RAD51B: variants seen among roughly 807,000 people sequenced by gnomAD.
RAD51B encodes the protein RAD51 paralog B, also known as DNA repair protein RAD51 homolog 2.
In RAD51B, 38 loss-of-function variants were observed where a neutral mutation model predicts 42.2. The ratio of observed to expected loss-of-function variants is 0.90; its 90% CI spans 0.70 to 1.18. The LOEUF (loss-of-function observed/expected upper bound fraction) is 1.18. Ranked by LOEUF, RAD51B falls within the 50% of genes most tolerant of loss-of-function variation. The pLI is 0.00. For synonymous variants in RAD51B, 154 were observed against 145.2 expected, an observed-to-expected ratio of 1.06 and a Z score of -0.43; for missense variants, 373 against 400.7, an observed-to-expected ratio of 0.93 and a Z score of 0.59.
chr14:68,045,065 C>G (rs1420415033), intron 7 of RAD51B, among the ~76,000 whole-genome samples: 1 of 151,616 alleles, frequency 6.6e-6, no homozygotes, highest in Non-Finnish European at 1.5e-5. Flanking sequence ...GGAGAAACCT[C>G]GTCTCTACTA....
intron 7 of RAD51B, among the ~76,000 whole-genome samples, chr14:68,112,606 T>A (rs1453558041): frequency 2.0e-5 from 3 of 152,276 alleles, no homozygotes; most frequent in East Asian, 3.9e-4. Context: ...GTGATCATGC[T>A]GGGGTGATTG....
chr14:68,276,414 CT>C (rs199738833), intron 7 of RAD51B, among the ~76,000 whole-genome samples: 94 of 151,534 alleles, frequency 6.2e-4, no homozygotes, highest in East Asian at 5.6e-3. Context: ...ACTCATTTTA[CT>C]TTTTTTTTAA....
intron 10 of RAD51B, chr14:68,563,037 C>T: frequency 3.0e-6 from 3 of 985,466 alleles, no homozygotes; most frequent in Non-Finnish European, 3.6e-6. Context: ...ACCTCTCTCA[C>T]CCTGGCCGCT....
chr14:68,393,824 C>G (rs7160794), intron 8 of RAD51B, among the ~76,000 whole-genome samples: 40 of 152,106 alleles, frequency 2.6e-4, no homozygotes, highest in Non-Finnish European at 4.1e-4. Context: ...GTTTTTGGGG[C>G]CCTGAAATGT....
intron 8 of RAD51B, among the ~76,000 whole-genome samples, chr14:68,324,153 T>C (rs1330613937): frequency 6.6e-6 from 1 of 152,220 alleles, no homozygotes; most frequent in African/African-American, 2.4e-5. Flanking sequence ...AAATGGTATG[T>C]AGTTTACTTA....
chr14:68,404,689 C>T (rs1451965783), intron 8 of RAD51B, among the ~76,000 whole-genome samples: 8 of 152,178 alleles, frequency 5.3e-5, no homozygotes, highest in Non-Finnish European at 8.8e-5. Context: ...CAGAGAGGAT[C>T]AGTTCCAGGC....
At chr14:68,465,126 T>A (rs2085942137) in intron 9 of RAD51B, among the ~76,000 whole-genome samples, 1 of 152,212 alleles carries the variant, frequency 6.6e-6, no homozygotes, top group African/African-American at 2.4e-5. Context: ...GTAATATTTT[T>A]AAAAATATAG....
chr14:68,209,981 A>G (rs1341445395), intron 7 of RAD51B, among the ~76,000 whole-genome samples: 2 of 146,652 alleles, frequency 1.4e-5, no homozygotes, highest in Non-Finnish European at 3.0e-5. Flanking sequence ...TTTTTTTGAG[A>G]CAGAGTCTTA....
At chr14:68,280,143 G>C (rs1307085497) in intron 7 of RAD51B, among the ~76,000 whole-genome samples, 1 of 152,184 alleles carries the variant, frequency 6.6e-6, no homozygotes, top group African/African-American at 2.4e-5. Flanking sequence ...CTGGAGCATG[G>C]TTCCTCCTGC....
chr14:68,452,473 C>A (rs1344722210), intron 9 of RAD51B, among the ~76,000 whole-genome samples: 4 of 152,020 alleles, frequency 2.6e-5, no homozygotes, highest in African/African-American at 9.7e-5. Context: ...TTCAGCATAC[C>A]CAATGGTAAT....
At chr14:68,045,259 AAAAAG>A (rs1422891152) in intron 7 of RAD51B, among the ~76,000 whole-genome samples, 5 of 150,868 alleles carry the variant, frequency 3.3e-5, no homozygotes, top group African/African-American at 7.3e-5. Context: ...AAAAAAAAAA[AAAAAG>A]AAAAGAAAAT....
At chr14:68,028,294 C>T (rs544493222) in intron 7 of RAD51B, among the ~76,000 whole-genome samples, 2 of 152,372 alleles carry the variant, frequency 1.3e-5, no homozygotes, top group Admixed American at 6.5e-5. Context: ...GGAGCCCCCT[C>T]TGATCACTGT....
intron 8 of RAD51B, among the ~76,000 whole-genome samples, chr14:68,331,063 A>G (rs1295345602): frequency 1.3e-5 from 2 of 152,108 alleles, no homozygotes; most frequent in Non-Finnish European, 1.5e-5. Context: ...TGGAAAAGCT[A>G]TTCTAAAGAA....
intron 7 of RAD51B, among the ~76,000 whole-genome samples, chr14:68,272,520 A>T (rs895547812): frequency 2.0e-5 from 3 of 150,306 alleles, no homozygotes; most frequent in Non-Finnish European, 4.4e-5. Flanking sequence ...GTGAAGATTA[A>T]ATGAGATACT....
intron 10 of RAD51B, among the ~76,000 whole-genome samples, chr14:68,550,771 CA>C (rs1465741705): frequency 6.6e-6 from 1 of 152,182 alleles, no homozygotes; most frequent in East Asian, 1.9e-4. Context: ...ATAACCCTAG[CA>C]GTGATCTGTG....
chr14:68,374,056 T>G lies in RAD51B; in HGVS notation c.854-37368T>G, dbSNP rs535154406. 2.3e-4 allele frequency among the ~76,000 whole-genome samples: 35 copies of G among 152,370 alleles called. No individual in the cohort carries two copies. The South Asian group carries it at 6.8e-3, about 30-fold the overall frequency. On this transcript the variant is annotated intron_variant, in intron 8 of 10. Transcript: ENST00000471583. ...ACTTTCATACCAGACATGTTAATTA[T>G]CTTCATTTTAAAGATGAGGAAATGA... is the stretch of plus-strand genomic sequence containing the variant.
At chr14:68,414,890 G>C (rs2084515322) in intron 9 of RAD51B, among the ~76,000 whole-genome samples, 1 of 148,564 alleles carries the variant, frequency 6.7e-6, no homozygotes, top group African/African-American at 2.5e-5. Context: ...AAAATAGCCA[G>C]GCGTGGTGGC....
chr14:67,825,474 G>T lies in RAD51B; in HGVS notation c.95G>T (p.Cys32Phe), dbSNP rs768563592. The T allele has an allele frequency of 6.2e-7, 1 of 1,609,298 alleles. No individual in the cohort carries two copies. The highest frequency in any genetic ancestry group is 8.5e-7 in the Non-Finnish European group (1 of 1,177,048). The change falls in exon 3 of 11, where the codon TGT (cysteine) becomes TTT (phenylalanine). Residue 32 changes from cysteine (C) to phenylalanine (F), a missense_variant. Cys to Phe is a radical substitution (Grantham distance 205). Coordinates refer to ENST00000471583, the MANE Select transcript of RAD51B (RefSeq NM_133510.4). ...HQILTCQDFL[C>F]LSPLELMKVT... Reference sequence around the variant, plus strand: ...TTTATGTTTCTTTAGGACTTTTTATGTCTTTCCCCACTGGAGCTTATGAAG... The same window carrying T: ...TTTATGTTTCTTTAGGACTTTTTATTTCTTTCCCCACTGGAGCTTATGAAG...
At chr14:67,835,222 C>G (rs1162006239) in intron 4 of RAD51B, 26 bp downstream of exon 4, 15 of 1,495,480 alleles carry the variant, frequency 1.0e-5, no homozygotes, top group Non-Finnish European at 1.4e-5. Context: ...TTCGTACCTT[C>G]TTCCATTGAC....
Sources: gnomAD v4.1 joint callset for allele counts (sites outside exome capture counted in the v4.1 genomes callset) on GRCh38, gnomAD v4.1.1 for gene constraint, MANE v1.5 for transcripts, NCBI Gene and HGNC (gene_info 2026-07-23, HGNC 2026-07-21) for gene names.